Variants in TMEM245 observed in about 807,000 individuals in gnomAD.
TMEM245 encodes the protein protein CG-2.
In TMEM245, 69 loss-of-function variants were observed where a neutral mutation model predicts 101.2. The ratio of observed to expected loss-of-function variants is 0.68; its 90% CI spans 0.56 to 0.83. The LOEUF (loss-of-function observed/expected upper bound fraction) is 0.83. TMEM245 is among the 40% of genes least tolerant of loss of function. The probability of loss-of-function intolerance (pLI) is 0.00; values close to 1 mark genes in which losing one functional copy is unlikely to be tolerated. For synonymous variants in TMEM245, 537 were observed against 449.8 expected (o/e 1.19, Z -2.45); for missense variants, 1,075 against 1,092.8 (o/e 0.98, Z 0.23).
intron 17 of TMEM245, among the ~76,000 whole-genome samples, chr9:109,027,620 C>A (rs558146935): frequency 6.6e-6 from 1 of 152,172 alleles, no homozygotes; most frequent in South Asian, 2.1e-4. Context: ...AGTGGCCCTG[C>A]CACATCATAT....
chr9:109,048,340 G>A (rs1175966429), intron 14 of TMEM245, among the ~76,000 whole-genome samples: 1 of 151,878 alleles, frequency 6.6e-6, no homozygotes, highest in Non-Finnish European at 1.5e-5. Flanking sequence ...GAATGTAACT[G>A]AAGGTTTTCT....
rs752210223 is a variant in TMEM245 at position 109,033,444 on chromosome 9, G to T, written c.2457C>A (p.Gly819=). ...LAVAGGAYYL[G]LEGAIIGPIL... Reference sequence around the variant, plus strand: ...TAGGACCGATGATTGCTCCTTCCAGGCCTAGGTAGTATGCTCCACCGGCCA... The same window carrying T: ...TAGGACCGATGATTGCTCCTTCCAGTCCTAGGTAGTATGCTCCACCGGCCA... The change falls in exon 17 of 18, where the codon GGC becomes GGA. Residue 819 remains glycine (G), a synonymous_variant. Coordinates refer to ENST00000374586, the MANE Select transcript of TMEM245 (RefSeq NM_032012.4). 3 of 1,613,802 alleles carry T rather than the reference G, an allele frequency of 1.9e-6. No homozygotes were observed. Among genetic ancestry groups the T allele is most frequent in the Admixed American group, 1.7e-5 (1 of 59,958 alleles).
intron 8 of TMEM245, among the ~76,000 whole-genome samples, chr9:109,075,481 T>C (rs1158790323): frequency 6.6e-6 from 1 of 152,216 alleles, no homozygotes; most frequent in Non-Finnish European, 1.5e-5. Context: ...AGTGAGATCA[T>C]CTGGGCCTGA....
At chr9:109,103,255 A>C (rs1386643878) in intron 3 of TMEM245, among the ~76,000 whole-genome samples, 2 of 152,258 alleles carry the variant, frequency 1.3e-5, no homozygotes, top group Non-Finnish European at 2.9e-5. Flanking sequence ...AATTCAGCAA[A>C]GCTGCAGGAC....
intron 5 of TMEM245, among the ~76,000 whole-genome samples, chr9:109,087,686 T>C (rs908464581): frequency 7.2e-5 from 11 of 152,206 alleles, no homozygotes; most frequent in Non-Finnish European, 1.5e-5. Flanking sequence ...TCCCCCTTCC[T>C]GGGTAAATAA....
intron 2 of TMEM245, among the ~76,000 whole-genome samples, chr9:109,107,898 A>T (rs1426136210): frequency 1.3e-5 from 2 of 152,218 alleles, no homozygotes; most frequent in African/African-American, 2.4e-5. Context: ...TGTGGAAAAG[A>T]GATTTGTCTC....
rs989750721 is a variant in TMEM245, at chr9:109,015,460, G to A, written c.*5000C>T. 2.0e-5 allele frequency: 3 copies of A among 152,288 alleles called. No individual in the cohort carries two copies. The highest frequency in any genetic ancestry group is 1.3e-4 in the Admixed American group (2 of 15,270). 9.4% of individuals were successfully genotyped at this position (152,288 alleles called of 1,614,324 possible). A position where few individuals can be genotyped will look rare whatever the true frequency, so the allele number is the denominator to read the frequency against. ...AAGTGGCACTGCAAAGGGCAAAGAAGGGTTTTCTTTGGGATGGCTACAATG... is the reference window on the plus strand; with the variant it reads ...AAGTGGCACTGCAAAGGGCAAAGAAAGGTTTTCTTTGGGATGGCTACAATG... On this transcript the variant is annotated 3_prime_UTR_variant, in exon 18 of 18. Transcript: ENST00000374586.
Position 109,081,687 on chromosome 9 carries a change from T to A in TMEM245, c.1345-744A>T, listed in dbSNP as rs368133362. On this transcript the variant is annotated intron_variant, in intron 7 of 17. Transcript: ENST00000374586. Reference sequence around the variant, plus strand: ...ATTTCATAATACATAATAAAATGCTTTTTAAAATCTGATATTCTACTTGAA... The same window carrying A: ...ATTTCATAATACATAATAAAATGCTATTTAAAATCTGATATTCTACTTGAA... Among the ~76,000 whole-genome samples the A allele has an allele frequency of 4.6e-5, 7 of 152,332 alleles. No individual in the cohort carries two copies. In the East Asian group the frequency reaches 5.8e-4, roughly 13 times the overall value.
chr9:109,088,815 CAAAAAAAA>C (rs772216738), intron 5 of TMEM245, among the ~76,000 whole-genome samples: 2 of 67,464 alleles, frequency 3.0e-5, no homozygotes, highest in African/African-American at 1.2e-4. Context: ...GACTACATCT[CAAAAAAAA>C]AAAAAAAAAA....
intron 4 of TMEM245, 81 bp downstream of exon 4, chr9:109,093,394 G>T: frequency 1.7e-6 from 2 of 1,145,746 alleles, no homozygotes; most frequent in Non-Finnish European, 2.6e-6. Flanking sequence ...AGCATTTTGT[G>T]ATGCTGGTGT....
At position 109,020,206 on chromosome 9, in the gene TMEM245, C is replaced by A; in HGVS notation, c.*254G>T. ...CAGGGTACCAGTGTATAAAATGAAA[C>A]TTTTCAAGCCATCTTAACAACAGTT... On this transcript the variant is annotated 3_prime_UTR_variant, in exon 18 of 18. Transcript: ENST00000374586. 8.1e-6 allele frequency: 4 copies of A among 494,450 alleles called. No individual in the cohort carries two copies. The highest frequency in any genetic ancestry group is 7.5e-5 in the East Asian group (2 of 26,836). The allele number at this position is 494,450 out of a possible 1,614,324, so 30.6% of individuals were successfully genotyped here.
chr9:109,101,257 G>T (rs1375526631), intron 3 of TMEM245, among the ~76,000 whole-genome samples: 1 of 152,174 alleles, frequency 6.6e-6, no homozygotes, highest in Admixed American at 6.5e-5. Flanking sequence ...TCAAAGCTCA[G>T]AAGACATAGA....
In TMEM245 at chr9:109,064,464, T is replaced by C. The variant is rs772810180; in HGVS notation, c.1623+13A>G. 9 of 1,602,158 alleles carry C rather than the reference T, an allele frequency of 5.6e-6. No homozygotes were observed. The highest frequency in any genetic ancestry group is 5.2e-5 in the Admixed American group (3 of 57,644). On this transcript the variant is annotated intron_variant, in intron 10 of 17. Coordinates refer to ENST00000374586, the MANE Select transcript of TMEM245 (RefSeq NM_032012.4). ...TGAAAAGAGAAAGCCACAAAGAAAG[T>C]TTCTTCCCTTACCTTGTGAGTTATC...
rs1480058414 is a variant in TMEM245 at position 109,016,543 on chromosome 9, T to C, written c.*3917A>G. 3 of 150,286 alleles carry C rather than the reference T, an allele frequency of 2.0e-5. No individual in the cohort carries two copies. The highest frequency in any genetic ancestry group is 4.5e-5 in the Non-Finnish European group (3 of 67,212). The allele number at this position is 150,286 out of a possible 1,614,324, so 9.3% of individuals were successfully genotyped here. On this transcript the variant is annotated 3_prime_UTR_variant, in exon 18 of 18. Coordinates refer to ENST00000374586, the MANE Select transcript of TMEM245 (RefSeq NM_032012.4). ...TCTAGAAAGTGACAGGACCACCTAATTTTAGAAGTCCCATTCTAGCACAGA... is the reference window on the plus strand; with the variant it reads ...TCTAGAAAGTGACAGGACCACCTAACTTTAGAAGTCCCATTCTAGCACAGA...
chr9:109,067,738 A>G (rs532459833), intron 9 of TMEM245, among the ~76,000 whole-genome samples: 2 of 152,288 alleles, frequency 1.3e-5, no homozygotes, highest in Admixed American at 1.3e-4. Context: ...TTAGAGCTCC[A>G]CTAAGATGAT....
At chr9:109,114,419 A>G (rs1483181594) in intron 1 of TMEM245, among the ~76,000 whole-genome samples, 1 of 152,224 alleles carries the variant, frequency 6.6e-6, no homozygotes, top group Non-Finnish European at 1.5e-5. Context: ...GATGTGTAAA[A>G]TAGAACATCG....
chr9:109,036,264 T>A lies in TMEM245; in HGVS notation c.2341A>T (p.Ile781Phe). Residue 781 changes from isoleucine to phenylalanine, a missense_variant, in exon 16 of 18, where the codon ATT becomes TTT. By Grantham distance (21) the Ile-to-Phe change is conservative (BLOSUM62 0). Coordinates refer to ENST00000374586, the MANE Select transcript of TMEM245 (RefSeq NM_032012.4). The stretch of plus-strand genomic sequence containing the variant: ...AAGTATGTTGGCAAGAGATGAAAAA[T>A]CAACAGTAAAATGGCCTTGCATCCT... ...GLGCKAILLL[I>F]FHLLPTYFVD... 4 of 1,613,370 alleles carry A rather than the reference T, an allele frequency of 2.5e-6. No homozygotes were observed. The highest frequency in any genetic ancestry group is 3.4e-6 in the Non-Finnish European group (4 of 1,179,892).
intron 14 of TMEM245, 28 bp from the exon 15 acceptor site, chr9:109,038,145 A>C: frequency 6.4e-7 from 1 of 1,574,644 alleles, no homozygotes; most frequent in Non-Finnish European, 8.7e-7. Flanking sequence ...AAAAAGAAAG[A>C]GTAAATAAAC....
chr9:109,018,453 A>G lies in TMEM245; in HGVS notation c.*2007T>C, dbSNP rs1395988737. ...GATTGACTAAAGAAAAACATGAGTT[A>G]CTTAGTGACCAAATCTAATACTCAG... On this transcript the variant is annotated 3_prime_UTR_variant, in exon 18 of 18. Coordinates refer to ENST00000374586, the MANE Select transcript of TMEM245 (RefSeq NM_032012.4). 3.9e-5 allele frequency: 6 copies of G among 152,196 alleles called. No homozygotes were observed. In the South Asian group the frequency reaches 1.2e-3, roughly 32 times the overall value. The allele number at this position is 152,196 out of a possible 1,614,324, so 9.4% of individuals were successfully genotyped here.
Sources: gnomAD v4.1 joint callset for allele counts (sites outside exome capture counted in the v4.1 genomes callset) on GRCh38, gnomAD v4.1.1 for gene constraint, MANE v1.5 for transcripts, NCBI Gene and HGNC (gene_info 2026-07-23, HGNC 2026-07-21) for gene names.